Variants in HIBADH observed in about 807,000 individuals in gnomAD.
The protein encoded by HIBADH is 3-hydroxyisobutyrate dehydrogenase, also known as 3-hydroxyisobutyrate dehydrogenase, mitochondrial.
HIBADH carries 25 observed loss-of-function variants against 36.1 expected under a neutral mutation model. The ratio of observed to expected loss-of-function variants is 0.69; its 90% CI spans 0.50 to 0.97. The LOEUF is 0.97. Ranked by LOEUF, HIBADH falls within the 50% of genes least tolerant of loss-of-function variation. The pLI, the probability that HIBADH is intolerant of heterozygous loss-of-function variation, is 0.00. For missense variants in HIBADH, 421 were observed against 418.0 expected (o/e 1.01, Z -0.06); for synonymous variants, 160 against 149.5 (o/e 1.07, Z -0.51).
intron 2 of HIBADH, among the ~76,000 whole-genome samples, chr7:27,641,485 A>T (rs922372538): frequency 6.6e-6 from 1 of 152,192 alleles, no homozygotes; most frequent in Non-Finnish European, 1.5e-5. Flanking sequence ...CCTTCAGGGC[A>T]CTATTGTGGC....
In HIBADH at chr7:27,531,228, G is replaced by A. The variant is rs1417959074; in HGVS notation, c.816C>T (p.Asn272=). 1 of 1,613,938 alleles carries A rather than the reference G, an allele frequency of 6.2e-7. No homozygotes were observed. The highest frequency in any genetic ancestry group is 8.5e-7 in the Non-Finnish European group (1 of 1,179,926). ...GVMDGVPSAN[N]YQGGFGTTLM... is the part of the protein sequence containing the mutation. ...GTGTTGTTCCAAATCCACCCTGATA[G>A]TTATTAGCCGAGGGAACGCCATCCA... The change falls in exon 7 of 8, where the codon AAC becomes AAT. Residue 272 remains asparagine (N), a synonymous_variant. Transcript: ENST00000265395.
At chr7:27,535,738 A>G (rs1784062097) in intron 6 of HIBADH, among the ~76,000 whole-genome samples, 1 of 151,808 alleles carries the variant, frequency 6.6e-6, no homozygotes, top group Admixed American at 6.6e-5. Flanking sequence ...ATTGTATACC[A>G]TATTTTTTAC....
At chr7:27,658,816 C>G (rs902728636) in intron 1 of HIBADH, among the ~76,000 whole-genome samples, 6 of 152,142 alleles carry the variant, frequency 3.9e-5, no homozygotes, top group Admixed American at 3.9e-4. Flanking sequence ...TCACATAATA[C>G]TACGTCATAA....
intron 4 of HIBADH, among the ~76,000 whole-genome samples, chr7:27,546,527 C>T (rs1412447490): frequency 6.6e-6 from 1 of 152,198 alleles, no homozygotes; most frequent in Middle Eastern, 3.4e-3. Context: ...ATAATTTTAG[C>T]CCCTCTTTTT....
At chr7:27,589,540 A>G (rs1784910751) in intron 4 of HIBADH, among the ~76,000 whole-genome samples, 1 of 152,214 alleles carries the variant, frequency 6.6e-6, no homozygotes, top group South Asian at 2.1e-4. Context: ...GGTATGTGTT[A>G]CATAATAATG....
chr7:27,554,900 T>C (rs1401164683), intron 4 of HIBADH, among the ~76,000 whole-genome samples: 1 of 152,180 alleles, frequency 6.6e-6, no homozygotes, highest in Non-Finnish European at 1.5e-5. Context: ...GGGTGCCAAC[T>C]CCTACAATGA....
chr7:27,531,141 T>A (rs768237951), intron 7 of HIBADH, 51 bp downstream of exon 7: 15 of 1,518,308 alleles, frequency 9.9e-6, no homozygotes, highest in Non-Finnish European at 1.3e-5. Context: ...AAGGTGTTAT[T>A]GGACCGTGAA....
At chr7:27,554,802 A>C (rs956349197) in intron 4 of HIBADH, among the ~76,000 whole-genome samples, 2 of 152,228 alleles carry the variant, frequency 1.3e-5, no homozygotes, top group Admixed American at 6.5e-5. Flanking sequence ...AATAAGCTAC[A>C]CTTGGCTAAC....
intron 4 of HIBADH, among the ~76,000 whole-genome samples, chr7:27,627,180 C>T (rs992085260): frequency 1.3e-5 from 2 of 152,188 alleles, no homozygotes; most frequent in Admixed American, 6.5e-5. Context: ...GAATCTCTGA[C>T]ACTGGACCTT....
chr7:27,642,055 T>C (rs1232984002), intron 2 of HIBADH, among the ~76,000 whole-genome samples: 2 of 152,136 alleles, frequency 1.3e-5, no homozygotes, highest in African/African-American at 4.8e-5. Context: ...AGAAGCTAAG[T>C]CTTCGCTATT....
At chr7:27,626,082 G>A (rs1008138175) in intron 4 of HIBADH, among the ~76,000 whole-genome samples, 2 of 119,222 alleles carry the variant, frequency 1.7e-5, no homozygotes, top group African/African-American at 3.2e-5. Context: ...CAGCCTGGGT[G>A]ACACAGTGAG....
chr7:27,601,347 A>G (rs1162822849), intron 4 of HIBADH, among the ~76,000 whole-genome samples: 2 of 152,126 alleles, frequency 1.3e-5, no homozygotes. Context: ...TACCAATATA[A>G]TTCTTTCAGT....
chr7:27,633,232 T>G (rs542187145), intron 2 of HIBADH, among the ~76,000 whole-genome samples: 1 of 152,210 alleles, frequency 6.6e-6, no homozygotes, highest in Non-Finnish European at 1.5e-5. Context: ...GATGCACTGT[T>G]ACTCACATCC....
At chr7:27,542,149 T>C (rs937426632) in intron 5 of HIBADH, among the ~76,000 whole-genome samples, 1 of 152,196 alleles carries the variant, frequency 6.6e-6, no homozygotes, top group Non-Finnish European at 1.5e-5. Flanking sequence ...TATCTAACTT[T>C]TTCTTAATGT....
chr7:27,527,918 GTT>G (rs746260280), intron 7 of HIBADH, among the ~76,000 whole-genome samples: 7 of 61,702 alleles, frequency 1.1e-4, no homozygotes, highest in Non-Finnish European at 2.1e-4. Context: ...CACACCCAGC[GTT>G]TTTTTTTTTT....
intron 1 of HIBADH, among the ~76,000 whole-genome samples, chr7:27,656,323 A>G (rs1028375200): frequency 6.6e-6 from 1 of 152,202 alleles, no homozygotes; most frequent in Admixed American, 6.5e-5. Context: ...ACAGCCAAAA[A>G]ACTGCAAATA....
At chr7:27,650,271 C>T (rs1786158424) in intron 1 of HIBADH, among the ~76,000 whole-genome samples, 1 of 101,404 alleles carries the variant, frequency 9.9e-6, no homozygotes, top group African/African-American at 4.3e-5. Context: ...CCATCCCCTC[C>T]AATGATACAA....
intron 4 of HIBADH, among the ~76,000 whole-genome samples, chr7:27,561,463 T>C (rs1466745480): frequency 6.6e-6 from 1 of 152,204 alleles, no homozygotes; most frequent in African/African-American, 2.4e-5. Flanking sequence ...CATTGCATTG[T>C]AGTCAACAAT....
intron 4 of HIBADH, among the ~76,000 whole-genome samples, chr7:27,618,616 C>A (rs1014467550): frequency 2.6e-5 from 4 of 152,212 alleles, no homozygotes; most frequent in African/African-American, 4.8e-5. Flanking sequence ...CTGGTAACCA[C>A]TGACACAGGT....
Sources: gnomAD v4.1 joint callset for allele counts (sites outside exome capture counted in the v4.1 genomes callset) on GRCh38, gnomAD v4.1.1 for gene constraint, MANE v1.5 for transcripts, NCBI Gene and HGNC (gene_info 2026-07-23, HGNC 2026-07-21) for gene names.